The following FAT3 variants were observed in gnomAD, a reference collection of about 807,000 sequenced individuals.
FAT3 encodes the protein protocadherin Fat 3.
FAT3 carries 95 observed loss-of-function variants against 310.2 expected under a neutral mutation model. That is an observed-to-expected ratio of 0.31 (90% CI 0.26 to 0.36). The LOEUF is 0.36. Among genes scored for constraint, FAT3 ranks in the 10% least tolerant of loss-of-function variants. FAT3 has a pLI of 1.00. For synonymous variants in FAT3, 2,314 were observed against 2,192.9 expected (o/e 1.06, Z -1.54); for missense variants, 5,408 against 5,715.6 (o/e 0.95, Z 1.74).
intron 3 of FAT3, among the ~76,000 whole-genome samples, chr11:92,687,330 G>A (rs939146565): frequency 6.6e-6 from 1 of 152,148 alleles, no homozygotes; most frequent in African/African-American, 2.4e-5. Context: ...CTAAAAAATA[G>A]CAGAGCCAGG....
At chr11:92,536,589 G>A (rs998167351) in intron 3 of FAT3, among the ~76,000 whole-genome samples, 2 of 152,106 alleles carry the variant, frequency 1.3e-5, no homozygotes, top group East Asian at 1.9e-4. Context: ...CTCAGTAAAC[G>A]TTCAATATTA....
intron 3 of FAT3, among the ~76,000 whole-genome samples, chr11:92,634,620 C>G (rs1941686951): frequency 1.3e-5 from 2 of 152,144 alleles, no homozygotes; most frequent in African/African-American, 4.8e-5. Flanking sequence ...GTACTGAGAT[C>G]CTCTGCAGGA....
At chr11:92,368,854 A>G (rs1949096525) in intron 2 of FAT3, among the ~76,000 whole-genome samples, 1 of 141,064 alleles carries the variant, frequency 7.1e-6, no homozygotes, top group Non-Finnish European at 1.5e-5. Flanking sequence ...ATATACACAC[A>G]TACACATATA....
intron 2 of FAT3, among the ~76,000 whole-genome samples, chr11:92,479,084 C>G (rs1952143740): frequency 6.6e-6 from 1 of 151,296 alleles, no homozygotes; most frequent in Non-Finnish European, 1.5e-5. Context: ...TCATTGCAAC[C>G]TCTGCCTCCC....
At chr11:92,427,610 G>A (rs183628917) in intron 2 of FAT3, among the ~76,000 whole-genome samples, 15 of 152,222 alleles carry the variant, frequency 9.9e-5, no homozygotes, top group Middle Eastern at 3.4e-3. Context: ...GGCCTTTGTT[G>A]CATCTATTGA....
At chr11:92,793,060 G>A (rs1309678746) in intron 9 of FAT3, 83 bp downstream of exon 9, 1 of 1,406,484 alleles carries the variant, frequency 7.1e-7, no homozygotes, top group South Asian at 1.3e-5. Context: ...GTAAAATTCA[G>A]ATCATTAACA....
intron 3 of FAT3, among the ~76,000 whole-genome samples, chr11:92,695,568 C>T (rs898187104): frequency 6.6e-6 from 1 of 152,138 alleles, no homozygotes; most frequent in African/African-American, 2.4e-5. Context: ...ACAATACCCT[C>T]CTAAACAAAC....
chr11:92,317,132 G>A (rs1182434084), intron 1 of FAT3, among the ~76,000 whole-genome samples: 1 of 152,098 alleles, frequency 6.6e-6, no homozygotes, highest in Non-Finnish European at 1.5e-5. Flanking sequence ...TAAAAATAAA[G>A]GAAAGACTGA....
At chr11:92,728,571 A>C (rs749116701) in intron 4 of FAT3, among the ~76,000 whole-genome samples, 2 of 152,194 alleles carry the variant, frequency 1.3e-5, no homozygotes, top group Non-Finnish European at 2.9e-5. Context: ...GCTATAAAAC[A>C]AATTACCACA....
chr11:92,468,435 G>A (rs1173473024), intron 2 of FAT3, among the ~76,000 whole-genome samples: 1 of 152,168 alleles, frequency 6.6e-6, no homozygotes. Flanking sequence ...CTTTTGTATA[G>A]CATCTTTAAT....
At chr11:92,852,923 T>G (rs1005065209) in intron 19 of FAT3, among the ~76,000 whole-genome samples, 2 of 152,188 alleles carry the variant, frequency 1.3e-5, no homozygotes, top group African/African-American at 2.4e-5. Context: ...ACAGGAGATA[T>G]GGGTAAGAAA....
chr11:92,804,625 C>A (rs1368796678), intron 10 of FAT3, among the ~76,000 whole-genome samples: 1 of 152,050 alleles, frequency 6.6e-6, no homozygotes, highest in Non-Finnish European at 1.5e-5. Context: ...ACTAATGGGC[C>A]CTCCTCTGTC....
chr11:92,559,411 G>C (rs1305645921), intron 3 of FAT3: 1 of 206,780 alleles, frequency 4.8e-6, no homozygotes, highest in Non-Finnish European at 9.8e-6. Context: ...TTGAAACAGG[G>C]TCTTGCTCTG....
intron 2 of FAT3, among the ~76,000 whole-genome samples, chr11:92,463,086 G>C (rs528675641): frequency 6.6e-6 from 1 of 152,222 alleles, no homozygotes. Context: ...AGCATCATTT[G>C]ATGTGCTTTG....
At chr11:92,275,336 A>G (rs560585927) in intron 1 of FAT3, among the ~76,000 whole-genome samples, 3 of 152,164 alleles carry the variant, frequency 2.0e-5, no homozygotes, top group East Asian at 1.9e-4. Flanking sequence ...CACCTTTACC[A>G]TATGAAATCC....
chr11:92,418,430 C>CCA (rs1555040300), intron 2 of FAT3, among the ~76,000 whole-genome samples: 1 of 94,240 alleles, frequency 1.1e-5, no homozygotes, highest in Non-Finnish European at 2.0e-5. Flanking sequence ...CCCCCCCCAC[C>CCA]CCCCCACACA....
At chr11:92,463,468 A>G (rs1011512440) in intron 2 of FAT3, among the ~76,000 whole-genome samples, 2 of 152,180 alleles carry the variant, frequency 1.3e-5, no homozygotes, top group Non-Finnish European at 2.9e-5. Context: ...TACCTGTAAA[A>G]TGGGGTTGAA....
At chr11:92,825,987 A>G (rs1164894103) in intron 13 of FAT3, among the ~76,000 whole-genome samples, 1 of 152,170 alleles carries the variant, frequency 6.6e-6, no homozygotes, top group Non-Finnish European at 1.5e-5. Flanking sequence ...CTAAACTACT[A>G]TGTCCAGTTC....
At chr11:92,531,134 G>A (rs1275147259) in intron 3 of FAT3, among the ~76,000 whole-genome samples, 2 of 152,192 alleles carry the variant, frequency 1.3e-5, no homozygotes, top group African/African-American at 4.8e-5. Context: ...GTGTGAAACT[G>A]TAAATCACCC....
Sources: gnomAD v4.1 joint callset for allele counts (sites outside exome capture counted in the v4.1 genomes callset) on GRCh38, gnomAD v4.1.1 for gene constraint, MANE v1.5 for transcripts, NCBI Gene and HGNC (gene_info 2026-07-23, HGNC 2026-07-21) for gene names.